Variants in SCLT1 observed in about 807,000 individuals in gnomAD.
SCLT1 encodes sodium channel and clathrin linker 1.
Under a neutral mutation model 112.8 loss-of-function variants are expected in SCLT1, and 78 were observed. That is an observed-to-expected ratio of 0.69 (90% CI 0.58 to 0.83). The LOEUF (loss-of-function observed/expected upper bound fraction) is 0.83. SCLT1 is among the 40% of genes least tolerant of loss of function. The pLI, the probability that SCLT1 is intolerant of heterozygous loss-of-function variation, is 0.00. For missense variants in SCLT1, 747 were observed against 770.4 expected, an observed-to-expected ratio of 0.97 and a Z score of 0.36; for synonymous variants, 257 against 254.7, an observed-to-expected ratio of 1.01 and a Z score of -0.09.
intron 3 of SCLT1, among the ~76,000 whole-genome samples, chr4:128,878,090 A>G (rs1344031026): frequency 6.6e-6 from 1 of 152,198 alleles, no homozygotes; most frequent in East Asian, 1.9e-4. Context: ...TGATGTTGAG[A>G]ACTAATATCT....
Position 128,957,088 on chromosome 4 carries a change from CTA to C in SCLT1, c.1082_1083del (p.Ile361ArgfsTer30). ...CGAGAAACTGTCTCTTTCATTTTCT[CTA>C]TGTCTTCTTCTTTTTGCTTCTCCTC... Reference protein sequence around the residue: ...LLEEKQKEEDIEKMKETVSRF... With the variant: ...LLEEKQKEEDXEKMKETVSRF... On this transcript the variant is annotated frameshift_variant, in exon 13 of 21. Transcript: ENST00000281142. LOFTEE classifies it high-confidence loss of function. 1.2e-6 allele frequency: 2 copies of C among 1,601,226 alleles called. No homozygotes were observed. The highest frequency in any genetic ancestry group is 1.7e-6 in the Non-Finnish European group (2 of 1,172,100).
intron 3 of SCLT1, chr4:128,876,644 T>C (rs1434761531): frequency 2.0e-5 from 3 of 152,226 alleles, no homozygotes; most frequent in African/African-American, 4.8e-5. Flanking sequence ...TGTCTGGTCA[T>C]TGAAAAAGAG....
intron 5 of SCLT1, among the ~76,000 whole-genome samples, chr4:129,014,124 A>G (rs756990276): frequency 5.3e-5 from 8 of 152,140 alleles, no homozygotes; most frequent in Non-Finnish European, 1.0e-4. Context: ...TGATTGCATT[A>G]TAAAATTATT....
intron 9 of SCLT1, among the ~76,000 whole-genome samples, chr4:128,980,882 G>A (rs1043008997): frequency 6.6e-6 from 1 of 152,010 alleles, no homozygotes; most frequent in African/African-American, 2.4e-5. Context: ...TTAAAATAAT[G>A]ACAGTTCAAG....
At chr4:128,897,835 A>C (rs530967091) in intron 18 of SCLT1, among the ~76,000 whole-genome samples, 2 of 151,838 alleles carry the variant, frequency 1.3e-5, no homozygotes, top group South Asian at 4.2e-4. Context: ...AAGATCTACC[A>C]AGCAAATGGA....
intron 9 of SCLT1, among the ~76,000 whole-genome samples, chr4:128,976,742 G>A (rs1741207366): frequency 6.6e-6 from 1 of 152,184 alleles, no homozygotes; most frequent in South Asian, 2.1e-4. Context: ...ATTGAAGTGA[G>A]AGGTATTTAA....
chr4:128,890,700 T>C (rs1283678313), intron 19 of SCLT1, among the ~76,000 whole-genome samples: 1 of 152,194 alleles, frequency 6.6e-6, no homozygotes, highest in Non-Finnish European at 1.5e-5. Context: ...GGCAAAAGTA[T>C]TTTTTATGTG....
At chr4:128,958,589 G>A (rs921377) in intron 12 of SCLT1, among the ~76,000 whole-genome samples, 42,833 of 151,998 alleles carry the variant, frequency 0.28, 6,275 homozygotes, top group South Asian at 0.35. Flanking sequence ...TAATGGCTTG[G>A]TATAAGAGTG....
intron 2 of SCLT1, among the ~76,000 whole-genome samples, chr4:129,080,475 G>A (rs569335642): frequency 6.6e-6 from 1 of 152,280 alleles, no homozygotes; most frequent in South Asian, 2.1e-4. Context: ...CCTTAGAGCA[G>A]GGGCACAAAG....
At chr4:129,042,891 G>A (rs1221227679) in intron 4 of SCLT1, among the ~76,000 whole-genome samples, 1 of 151,930 alleles carries the variant, frequency 6.6e-6, no homozygotes, top group African/African-American at 2.4e-5. Flanking sequence ...TGGCCAACAT[G>A]GTGAAACTCC....
At chr4:129,055,801 T>C (rs1204088929) in intron 2 of SCLT1, among the ~76,000 whole-genome samples, 1 of 150,794 alleles carries the variant, frequency 6.6e-6, no homozygotes, top group Non-Finnish European at 1.5e-5. Context: ...TCGCTGGGGT[T>C]CCAGGCGCCA....
chr4:128,890,612 C>T (rs1733233801), intron 19 of SCLT1, among the ~76,000 whole-genome samples: 1 of 152,020 alleles, frequency 6.6e-6, no homozygotes, highest in Non-Finnish European at 1.5e-5. Flanking sequence ...TTTTGAATGC[C>T]TCAAGGAAAA....
intron 5 of SCLT1, among the ~76,000 whole-genome samples, chr4:129,013,581 T>G (rs1326621197): frequency 6.6e-6 from 1 of 152,164 alleles, no homozygotes; most frequent in East Asian, 1.9e-4. Context: ...TTGGTTTGGC[T>G]GGATATTAAA....
At chr4:128,942,781 T>A (rs1423936347) in intron 17 of SCLT1, among the ~76,000 whole-genome samples, 2 of 152,062 alleles carry the variant, frequency 1.3e-5, no homozygotes, top group Non-Finnish European at 2.9e-5. Flanking sequence ...TGGAAAAGAA[T>A]TTTTTTGTGT....
chr4:129,024,798 T>G (rs1182440866), intron 5 of SCLT1, among the ~76,000 whole-genome samples: 1 of 152,076 alleles, frequency 6.6e-6, no homozygotes, highest in African/African-American at 2.4e-5. Context: ...TTAAAAACTT[T>G]GAAAAAAATT....
chr4:128,940,429 GTTTT>G (rs907656168), intron 17 of SCLT1, among the ~76,000 whole-genome samples: 2 of 151,624 alleles, frequency 1.3e-5, no homozygotes, highest in African/African-American at 4.8e-5. Context: ...CTACATAATT[GTTTT>G]TATTTATGAA....
intron 2 of SCLT1, among the ~76,000 whole-genome samples, chr4:129,067,678 T>C (rs1410400781): frequency 6.6e-6 from 1 of 151,960 alleles, no homozygotes; most frequent in East Asian, 1.9e-4. Flanking sequence ...ACCTGGCTAA[T>C]TTTTGTTATT....
rs138870130 is a variant in SCLT1 at position 128,900,575 on chromosome 4, T to C, written c.1830-9438A>G. ...GTTAGACCTAAAACTATAAAAACCC[T>C]AGAAGAAAACCTAGGCAATACCATT... On this transcript the variant is annotated intron_variant, in intron 18 of 20. Transcript: ENST00000281142. 3.3e-3 allele frequency among the ~76,000 whole-genome samples: 509 copies of C among 152,286 alleles called. 3 individuals carry two copies. The highest frequency in any genetic ancestry group is 4.7e-3 in the Non-Finnish European group (320 of 68,020).
rs528905688 is a variant in SCLT1 at position 129,053,557 on chromosome 4, A to ATTTTTTTTTTTTTTTTTTTTTT, written c.103-9528_103-9507dup. 8.8e-4 allele frequency among the ~76,000 whole-genome samples: 40 copies of ATTTTTTTTTTTTTTTTTTTTTT among 45,236 alleles called. 9 individuals carry two copies. The highest frequency in any genetic ancestry group is 1.2e-3 in the South Asian group (1 of 868). 29.7% of individuals were successfully genotyped at this position (45,236 alleles called of 152,430 possible). On this transcript the variant is annotated intron_variant, in intron 2 of 20. Coordinates refer to ENST00000281142, the MANE Select transcript of SCLT1 (RefSeq NM_144643.4). ...TTAGAGACTAGGATTGCAATCCCTG[A>ATTTTTTTTTTTTTTTTTTTTTT]TTTTTTTTTTTTTTTTTTTTTTTTT...
Sources: gnomAD v4.1 joint callset for allele counts (sites outside exome capture counted in the v4.1 genomes callset) on GRCh38, gnomAD v4.1.1 for gene constraint, MANE v1.5 for transcripts, NCBI Gene and HGNC (gene_info 2026-07-23, HGNC 2026-07-21) for gene names.